Variants in PSME4 observed in about 807,000 individuals in gnomAD.
PSME4 encodes the protein proteasome activator subunit 4.
In PSME4, 89 loss-of-function variants were observed where a neutral mutation model predicts 253.9. That is an observed-to-expected ratio of 0.35 (90% confidence interval 0.30 to 0.42). PSME4 has a LOEUF of 0.42. Among genes scored for constraint, PSME4 ranks in the 10% least tolerant of loss-of-function variants. The pLI, the probability that PSME4 is intolerant of heterozygous loss-of-function variation, is 1.00. For synonymous variants in PSME4, 851 were observed against 759.2 expected (o/e 1.12, Z -1.99); for missense variants, 2,014 against 2,195.2 (o/e 0.92, Z 1.65).
intron 1 of PSME4, among the ~76,000 whole-genome samples, chr2:53,966,382 C>T (rs1204567888): frequency 6.6e-6 from 1 of 152,170 alleles, no homozygotes; most frequent in Admixed American, 6.5e-5. Context: ...TAATGTTAGG[C>T]AGGCCACGGT....
At chr2:53,881,476 A>G (rs1222072568) in intron 41 of PSME4, 1 of 152,220 alleles carries the variant, frequency 6.6e-6, no homozygotes, top group Non-Finnish European at 1.5e-5. Context: ...TCTGCTTTAC[A>G]GGTATGTCAT....
chr2:53,966,621 T>A (rs748381205), intron 1 of PSME4, among the ~76,000 whole-genome samples: 1 of 151,710 alleles, frequency 6.6e-6, no homozygotes, highest in African/African-American at 2.4e-5. Context: ...CACGTACAGA[T>A]AACCTGAGGT....
chr2:53,947,502 G>A (rs1438040466), intron 3 of PSME4, among the ~76,000 whole-genome samples: 1 of 151,838 alleles, frequency 6.6e-6, no homozygotes, highest in Admixed American at 6.6e-5. Flanking sequence ...TCAGGAGATA[G>A]AGACCATCTT....
At chr2:53,936,051 A>G in intron 7 of PSME4, 36 bp downstream of exon 7, 1 of 1,603,476 alleles carries the variant, frequency 6.2e-7, no homozygotes, top group Non-Finnish European at 8.5e-7. Flanking sequence ...CTACCACCCC[A>G]TGCCTGATAA....
At chr2:53,941,259 G>A (rs759968016) in intron 3 of PSME4, among the ~76,000 whole-genome samples, 117 of 144,888 alleles carry the variant, frequency 8.1e-4, no homozygotes, top group Non-Finnish European at 1.5e-3. Flanking sequence ...AAAATTAACT[G>A]AAGAGGCAAC....
intron 20 of PSME4, 151 bp downstream of exon 20, chr2:53,919,000 T>C (rs948501608): frequency 3.0e-6 from 2 of 673,928 alleles, no homozygotes; most frequent in Non-Finnish European, 4.9e-6. Flanking sequence ...TAAATCTAAA[T>C]TGTACCTCTG....
chr2:53,937,392 T>C lies in PSME4; in HGVS notation c.694A>G (p.Lys232Glu). ...LPPELHHKGF[K>E]LWFDELIGLW... ...TTGTCAAGATATGAACATACTTACTTAAAACCTTTATGATGAAGTTCTGGA... is the reference window on the plus strand; with the variant it reads ...TTGTCAAGATATGAACATACTTACTCAAAACCTTTATGATGAAGTTCTGGA... The change falls in exon 5 of 47, where the codon AAA becomes GAA. Residue 232 changes from lysine to glutamate, a missense_variant and splice_region_variant. Transcript: ENST00000404125. 3.8e-6 allele frequency: 6 copies of C among 1,589,464 alleles called. No individual in the cohort carries two copies. The highest frequency in any genetic ancestry group is 5.1e-6 in the Non-Finnish European group (6 of 1,167,446).
At chr2:53,922,474 G>C in intron 17 of PSME4, 43 bp downstream of exon 17, 1 of 1,587,856 alleles carries the variant, frequency 6.3e-7, no homozygotes, top group Non-Finnish European at 8.6e-7. Context: ...AAGCAAGTCA[G>C]TGTTTTCACA....
chr2:53,917,304 TAGTC>T (rs1260886520), intron 20 of PSME4: 1 of 160,556 alleles, frequency 6.2e-6, no homozygotes, highest in Non-Finnish European at 1.4e-5. Flanking sequence ...TATAAACTAA[TAGTC>T]TGTATCATAT....
rs1476532912 is a variant in PSME4 at position 53,932,096 on chromosome 2, T to G, written c.1055A>C (p.Lys352Thr). 1.2e-6 allele frequency: 2 copies of G among 1,613,468 alleles called. No individual in the cohort carries two copies. The highest frequency in any genetic ancestry group is 2.7e-5 in the African/African-American group (2 of 74,918). The change falls in exon 10 of 47, where the codon AAG (lysine) becomes ACG (threonine). Residue 352 changes from lysine (K) to threonine (T), a missense_variant. By Grantham distance (78) the Lys-to-Thr change is moderately conservative. Coordinates refer to ENST00000404125, the MANE Select transcript of PSME4 (RefSeq NM_014614.3). ...CAACCGCTGAAGTAGTTTCATTAAC[T>G]TGTTCTGGGGACACAGAAGCAAAAA... ...HPSNNGRWLN[K>T]LMKLLQRLPN...
intron 10 of PSME4, among the ~76,000 whole-genome samples, chr2:53,930,909 T>C (rs1390287561): frequency 2.0e-5 from 3 of 152,174 alleles, no homozygotes; most frequent in Non-Finnish European, 2.9e-5. Flanking sequence ...AAGCTTCAGA[T>C]AGTGGAAGAA....
chr2:53,903,960 G>C (rs1230808288), intron 27 of PSME4, 65 bp downstream of exon 27: 2 of 1,383,252 alleles, frequency 1.4e-6, no homozygotes, highest in Middle Eastern at 1.8e-4. Flanking sequence ...GTTTACCGTA[G>C]AATTTTTTCA....
In PSME4 at chr2:53,864,818, T is replaced by A. The variant is rs1165949911; in HGVS notation, c.*760A>T. On this transcript the variant is annotated 3_prime_UTR_variant, in exon 47 of 47. Transcript: ENST00000404125. ...GTGAAGTATAATAATTTTCAGAGGG[T>A]CAAAAAATAGTTGTAAAGAATACAG... The A allele has an allele frequency of 6.6e-6, 1 of 152,582 alleles. No individual in the cohort carries two copies. The highest frequency in any genetic ancestry group is 2.4e-5 in the African/African-American group (1 of 41,446). The allele number at this position is 152,582 out of a possible 1,614,324, so 9.5% of individuals were successfully genotyped here.
At chr2:53,893,828 A>T in intron 34 of PSME4, 29 bp from the exon 35 acceptor site, 3 of 1,558,438 alleles carry the variant, frequency 1.9e-6, no homozygotes, top group Non-Finnish European at 2.6e-6. Flanking sequence ...AACAATATTC[A>T]GCGTTTAAAA....
At chr2:53,937,306 T>C (rs1669169840) in intron 5 of PSME4, 85 bp downstream of exon 5, 1 of 1,260,012 alleles carries the variant, frequency 7.9e-7, no homozygotes, top group African/African-American at 1.5e-5. Flanking sequence ...CAAAATGATT[T>C]TTCTAGTTGT....
chr2:53,933,029 G>C, intron 8 of PSME4: 1 of 371,344 alleles, frequency 2.7e-6, no homozygotes, highest in Non-Finnish European at 5.0e-6. Flanking sequence ...ATAACAAACA[G>C]CGTACTTTAC....
chr2:53,920,083 G>A, intron 19 of PSME4, 110 bp downstream of exon 19: 1 of 995,244 alleles, frequency 1.0e-6, no homozygotes, highest in Non-Finnish European at 1.4e-6. Context: ...ATGTATAGCA[G>A]ATTTTCAAAA....
chr2:53,964,367 T>C (rs947189196), intron 1 of PSME4, among the ~76,000 whole-genome samples: 4 of 152,348 alleles, frequency 2.6e-5, no homozygotes, highest in African/African-American at 7.2e-5. Flanking sequence ...ATATGTCTTA[T>C]TGTGCTATTA....
At chr2:53,951,707 A>C (rs921755662) in intron 1 of PSME4, among the ~76,000 whole-genome samples, 28 of 152,362 alleles carry the variant, frequency 1.8e-4, no homozygotes, top group Admixed American at 2.6e-4. Flanking sequence ...ATGCTCATGG[A>C]GTTTTCCAAT....
Sources: allele counts gnomAD v4.1 joint callset (sites outside exome capture counted in the v4.1 genomes callset), GRCh38; gene constraint gnomAD v4.1.1; transcripts MANE v1.5; gene names NCBI Gene and HGNC (gene_info 2026-07-23, HGNC 2026-07-21).